FRMPD4: variants seen among roughly 807,000 people sequenced by gnomAD.
The protein encoded by FRMPD4 is FERM and PDZ domain-containing protein 4.
A neutral mutation model predicts 94.1 loss-of-function variants in FRMPD4; 22 were observed. The observed-to-expected ratio is 0.23, with a 90% CI of 0.17 to 0.33. The LOEUF (loss-of-function observed/expected upper bound fraction) is 0.33. Ranked by LOEUF, FRMPD4 falls within the 10% of genes least tolerant of loss-of-function variation. FRMPD4 has a pLI of 1.00. For synonymous variants in FRMPD4, 631 were observed against 548.6 expected, an observed-to-expected ratio of 1.15 and a Z score of -2.10; for missense variants, 1,111 against 1,339.9, an observed-to-expected ratio of 0.83 and a Z score of 2.67.
At chrX:12,040,520 T>C (rs1352959633) in intron 3 of FRMPD4, among the ~76,000 whole-genome samples, 1 of 108,058 alleles carries the variant, frequency 9.3e-6, no homozygotes, top group Non-Finnish European at 1.9e-5. Context: ...TTTATTTTAA[T>C]GTCATTATTG....
chrX:11,991,680 A>G (rs1001313576), intron 3 of FRMPD4, among the ~76,000 whole-genome samples: 3 of 112,038 alleles, frequency 2.7e-5, no homozygotes, highest in African/African-American at 9.7e-5. Flanking sequence ...CTTTGCTTTG[A>G]GCAGTAGGAT....
intron 2 of FRMPD4, among the ~76,000 whole-genome samples, chrX:12,580,055 T>A (rs1048186989): frequency 9.0e-5 from 10 of 111,607 alleles, no homozygotes; most frequent in African/African-American, 3.3e-4. Context: ...CTGGACAAAA[T>A]AAAAAATATT....
At chrX:12,370,116 A>G (rs920527304) in intron 1 of FRMPD4, among the ~76,000 whole-genome samples, 4 of 111,290 alleles carry the variant, frequency 3.6e-5, no homozygotes, top group Non-Finnish European at 7.5e-5. Flanking sequence ...AACAAACACA[A>G]TTCACAAAGA....
chrX:12,193,269 A>C (rs1415835799), intron 1 of FRMPD4, among the ~76,000 whole-genome samples: 1 of 111,447 alleles, frequency 9.0e-6, no homozygotes, highest in African/African-American at 3.3e-5. Context: ...CGCTAAAATA[A>C]ATCTGTTGAC....
intron 3 of FRMPD4, among the ~76,000 whole-genome samples, chrX:12,099,192 C>T (rs1342720493): frequency 9.1e-6 from 1 of 109,468 alleles, no homozygotes; most frequent in Non-Finnish European, 1.9e-5. Context: ...GCACATTGTG[C>T]ACATGTACCC....
chrX:12,626,739 T>C (rs2059350144), intron 4 of FRMPD4, among the ~76,000 whole-genome samples: 1 of 105,165 alleles, frequency 9.5e-6, no homozygotes, highest in Non-Finnish European at 1.9e-5. Flanking sequence ...ACCTGCTTAT[T>C]GCAGTCGATG....
At chrX:12,718,906 AG>A (rs960622218) in intron 16 of FRMPD4, 116 bp downstream of exon 16, 2 of 488,482 alleles carry the variant, frequency 4.1e-6, no homozygotes, top group Non-Finnish European at 7.2e-6. Flanking sequence ...GAATTTTAAA[AG>A]GCCACAGAAC....
At chrX:12,061,173 A>G (rs111389172) in intron 3 of FRMPD4, among the ~76,000 whole-genome samples, 1,146 of 111,953 alleles carry the variant, frequency 0.01, 9 homozygotes, top group Admixed American at 9.8e-3. Flanking sequence ...TAAAACAAAG[A>G]AAGAAGGGTG....
chrX:12,053,264 G>A (rs773125292), intron 3 of FRMPD4, among the ~76,000 whole-genome samples: 13 of 106,553 alleles, frequency 1.2e-4, no homozygotes, highest in Non-Finnish European at 2.1e-4. Flanking sequence ...ACTTGAACCC[G>A]GGAGGCAGAG....
intron 3 of FRMPD4, among the ~76,000 whole-genome samples, chrX:11,978,045 G>T (rs951798129): frequency 9.1e-6 from 1 of 109,598 alleles, no homozygotes; most frequent in Non-Finnish European, 1.9e-5. Flanking sequence ...AGTTCCGGCC[G>T]GGCTCGGTGG....
At chrX:12,397,722 G>A (rs1321780546) in intron 1 of FRMPD4, among the ~76,000 whole-genome samples, 2 of 111,012 alleles carry the variant, frequency 1.8e-5, no homozygotes. Flanking sequence ...TTGGCTCCAT[G>A]GTCATTCTGC....
intron 5 of FRMPD4, among the ~76,000 whole-genome samples, chrX:12,678,699 T>C (rs754104890): frequency 8.0e-4 from 90 of 111,809 alleles, no homozygotes; most frequent in Non-Finnish European, 5.3e-4. Context: ...GTGGCACATG[T>C]CTGTAATCCC....
At chrX:12,351,917 C>T (rs993840334) in intron 1 of FRMPD4, among the ~76,000 whole-genome samples, 3 of 112,568 alleles carry the variant, frequency 2.7e-5, no homozygotes, top group African/African-American at 9.7e-5. Flanking sequence ...ACATTTGAGT[C>T]ATTTCCAATG....
intron 1 of FRMPD4, among the ~76,000 whole-genome samples, chrX:12,152,472 T>TG (rs1172294363): frequency 2.7e-5 from 3 of 110,896 alleles, no homozygotes; most frequent in Admixed American, 9.6e-5. Context: ...GGTATCAGAA[T>TG]GGGGGGGTAA....
At chrX:12,539,037 G>GA (rs747197831) in intron 2 of FRMPD4, among the ~76,000 whole-genome samples, 4 of 110,977 alleles carry the variant, frequency 3.6e-5, no homozygotes, top group East Asian at 2.8e-4. Flanking sequence ...TAAAAACTTT[G>GA]AAAAAAAATT....
intron 3 of FRMPD4, among the ~76,000 whole-genome samples, chrX:12,039,866 G>A (rs1388297482): frequency 9.3e-6 from 1 of 107,763 alleles, no homozygotes; most frequent in Non-Finnish European, 1.9e-5. Flanking sequence ...CTACTTGGGA[G>A]GCTGAGGCAG....
At chrX:12,691,054 G>A (rs1262311506) in intron 8 of FRMPD4, among the ~76,000 whole-genome samples, 1 of 112,070 alleles carries the variant, frequency 8.9e-6, no homozygotes, top group East Asian at 2.8e-4. Flanking sequence ...GCTGGATGGA[G>A]TGGCAAAAAG....
chrX:11,932,690 T>A lies in FRMPD4; in HGVS notation c.95+54672T>A, dbSNP rs866200577. ...TGAGGACCAAAGAATAAAACAAACATAAAAAAAAAAAAAAGATTTGAACTT... is the reference window on the plus strand; with the variant it reads ...TGAGGACCAAAGAATAAAACAAACAAAAAAAAAAAAAAAAGATTTGAACTT... On this transcript the variant is annotated intron_variant, in intron 3 of 18. Transcript: ENST00000640291. Among the ~76,000 whole-genome samples, 11 of 95,927 alleles carry A rather than the reference T, an allele frequency of 1.1e-4. No homozygotes were observed. In the East Asian group the frequency reaches 2.6e-3, roughly 23 times the overall value. The allele number at this position is 95,927 out of a possible 115,157, so 83.3% of individuals were successfully genotyped here. A position where few individuals can be genotyped will look rare whatever the true frequency, so the allele number is the denominator to read the frequency against.
intron 3 of FRMPD4, among the ~76,000 whole-genome samples, chrX:11,934,448 T>G (rs750763090): frequency 8.9e-6 from 1 of 111,788 alleles, no homozygotes; most frequent in East Asian, 2.8e-4. Flanking sequence ...TTCTAGGCTG[T>G]AGCCATTCCC....
Sources: gnomAD v4.1 joint callset for allele counts (sites outside exome capture counted in the v4.1 genomes callset) on GRCh38, gnomAD v4.1.1 for gene constraint, MANE v1.5 for transcripts, NCBI Gene and HGNC (gene_info 2026-07-23, HGNC 2026-07-21) for gene names.